Variants in ARHGAP42 observed in about 807,000 individuals in gnomAD.
ARHGAP42 encodes rho GTPase-activating protein 42.
A neutral mutation model predicts 125.0 loss-of-function variants in ARHGAP42; 63 were observed. That is an observed-to-expected ratio of 0.50 (90% CI 0.41 to 0.62). The LOEUF is 0.62. ARHGAP42 is among the 20% of genes least tolerant of loss of function. The pLI, the probability that ARHGAP42 is intolerant of heterozygous loss-of-function variation, is 0.00. For missense variants in ARHGAP42, 766 were observed against 1,024.2 expected (o/e 0.75, Z 3.44); for synonymous variants, 339 against 351.0 (o/e 0.97, Z 0.38).
intron 22 of ARHGAP42, chr11:100,986,074 C>T (rs904630694): frequency 8.8e-6 from 4 of 456,654 alleles, no homozygotes; most frequent in Non-Finnish European, 1.8e-5. Flanking sequence ...ATTCATTTAG[C>T]TAACATTTCC....
At chr11:100,891,151 T>C (rs1208259791) in intron 4 of ARHGAP42, among the ~76,000 whole-genome samples, 2 of 152,174 alleles carry the variant, frequency 1.3e-5, no homozygotes. Context: ...AAACATGGCT[T>C]TGTCTGGGTT....
chr11:100,797,097 G>T (rs1186218307), intron 3 of ARHGAP42, among the ~76,000 whole-genome samples: 2 of 152,196 alleles, frequency 1.3e-5, no homozygotes, highest in East Asian at 3.9e-4. Flanking sequence ...AATGCTGAAA[G>T]AGGTGAGGAA....
At chr11:100,745,006 T>C (rs1862268816) in intron 1 of ARHGAP42, among the ~76,000 whole-genome samples, 1 of 151,688 alleles carries the variant, frequency 6.6e-6, no homozygotes, top group Non-Finnish European at 1.5e-5. Context: ...CTAAACTAAT[T>C]ACGATTGGCT....
chr11:100,831,906 C>T (rs1864671185), intron 3 of ARHGAP42, among the ~76,000 whole-genome samples: 1 of 152,204 alleles, frequency 6.6e-6, no homozygotes, highest in South Asian at 2.1e-4. Flanking sequence ...GGGACAGGAA[C>T]TTCAGAACAA....
rs1858790072 is a variant in ARHGAP42, at chr11:100,990,008, G to A, written c.*1207G>A. 2 of 152,042 alleles carry A rather than the reference G, an allele frequency of 1.3e-5. No homozygotes were observed. Among genetic ancestry groups the A allele is most frequent in the Admixed American group, 1.3e-4 (2 of 15,250 alleles). 9.4% of individuals were successfully genotyped at this position (152,042 alleles called of 1,614,324 possible). ...GCCTTTTAGTTTACAGTCTTTATTAGCAATTTCAGTGAATTTGTAGAGCAT... is the reference window on the plus strand; with the variant it reads ...GCCTTTTAGTTTACAGTCTTTATTAACAATTTCAGTGAATTTGTAGAGCAT... On this transcript the variant is annotated 3_prime_UTR_variant, in exon 24 of 24. Transcript: ENST00000298815.
Position 100,770,447 on chromosome 11 carries a change from T to G in ARHGAP42, c.250+9T>G. 1 of 1,522,778 alleles carries G rather than the reference T, an allele frequency of 6.6e-7. No homozygotes were observed. Among genetic ancestry groups the G allele is most frequent in the South Asian group, 1.2e-5 (1 of 81,628 alleles). 94.3% of individuals were successfully genotyped at this position (1,522,778 alleles called of 1,614,324 possible). A position where few individuals can be genotyped will look rare whatever the true frequency, so the allele number is the denominator to read the frequency against. On this transcript the variant is annotated intron_variant, in intron 2 of 23. Transcript: ENST00000298815. ...TGATGAAATTAGTATTGGTAAGTACTACTGTTTTAGAAAGTTCTATTACTA... is the reference window on the plus strand; with the variant it reads ...TGATGAAATTAGTATTGGTAAGTACGACTGTTTTAGAAAGTTCTATTACTA...
Position 100,974,613 on chromosome 11 carries a change from C to T in ARHGAP42, c.1855+10C>T, listed in dbSNP as rs1480642023. ...CTGGCCGAACCTGATAGTAAGTGCA[C>T]CCGGCCTTAGGGAGATGCTTTCTTC... On this transcript the variant is annotated intron_variant, in intron 19 of 23. Coordinates refer to ENST00000298815, the MANE Select transcript of ARHGAP42 (RefSeq NM_152432.4). 6.5e-7 allele frequency: 1 copy of T among 1,548,356 alleles called. No individual in the cohort carries two copies. The highest frequency in any genetic ancestry group is 8.7e-7 in the Non-Finnish European group (1 of 1,145,064).
At chr11:100,835,346 T>C (rs1864759996) in intron 3 of ARHGAP42, among the ~76,000 whole-genome samples, 1 of 152,196 alleles carries the variant, frequency 6.6e-6, no homozygotes, top group African/African-American at 2.4e-5. Flanking sequence ...CGTAATCTCC[T>C]AATTTAACCC....
Position 100,992,735 on chromosome 11 carries a change from T to G in ARHGAP42, c.*3934T>G. 4 of 1,526,400 alleles carry G rather than the reference T, an allele frequency of 2.6e-6. No homozygotes were observed. The highest frequency in any genetic ancestry group is 3.5e-6 in the Non-Finnish European group (4 of 1,140,364). The allele number at this position is 1,526,400 out of a possible 1,614,324, so 94.6% of individuals were successfully genotyped here. Reference sequence around the variant, plus strand: ...AGAGGATCAAATCAATAAATTGGATTTTTTATTTTTTGAGGGCAGCTGCCC... The same window carrying G: ...AGAGGATCAAATCAATAAATTGGATGTTTTATTTTTTGAGGGCAGCTGCCC... On this transcript the variant is annotated 3_prime_UTR_variant, in exon 24 of 24. Transcript: ENST00000298815.
chr11:100,819,230 G>C (rs1251019007), intron 3 of ARHGAP42, among the ~76,000 whole-genome samples: 2 of 152,138 alleles, frequency 1.3e-5, no homozygotes, highest in Non-Finnish European at 2.9e-5. Context: ...CATCGGAGGA[G>C]TCCACAGGCA....
At chr11:100,725,327 C>T (rs1356742510) in intron 1 of ARHGAP42, among the ~76,000 whole-genome samples, 8 of 151,798 alleles carry the variant, frequency 5.3e-5, no homozygotes, top group Non-Finnish European at 1.0e-4. Flanking sequence ...CACACCACCA[C>T]GCCCAGCTAA....
intron 3 of ARHGAP42, among the ~76,000 whole-genome samples, chr11:100,799,491 A>T (rs956611716): frequency 6.6e-6 from 1 of 152,210 alleles, no homozygotes; most frequent in African/African-American, 2.4e-5. Flanking sequence ...GAACTGTATC[A>T]AAGAAGTCTA....
chr11:100,979,873 A>C (rs1858487110), intron 22 of ARHGAP42, among the ~76,000 whole-genome samples: 1 of 152,200 alleles, frequency 6.6e-6, no homozygotes, highest in Non-Finnish European at 1.5e-5. Context: ...GAAGGAAAGG[A>C]ATCACAGATA....
intron 5 of ARHGAP42, among the ~76,000 whole-genome samples, chr11:100,917,606 C>G (rs1409258940): frequency 6.6e-6 from 1 of 152,178 alleles, no homozygotes; most frequent in Non-Finnish European, 1.5e-5. Context: ...AAGTCTCACT[C>G]TGTTGCCCAG....
chr11:100,983,263 C>T (rs1007122736), intron 22 of ARHGAP42, among the ~76,000 whole-genome samples: 3 of 152,044 alleles, frequency 2.0e-5, no homozygotes, highest in Non-Finnish European at 2.9e-5. Context: ...AAGAATAAGC[C>T]TATTACATAT....
In ARHGAP42 at chr11:100,756,489, T is replaced by A. The variant is rs190341948; in HGVS notation, c.155-13854T>A. Among the ~76,000 whole-genome samples the A allele has an allele frequency of 3.3e-5, 5 of 152,302 alleles. No homozygotes were observed. In the East Asian group the frequency reaches 9.6e-4, roughly 29 times the overall value. Reference sequence around the variant, plus strand: ...GACAGCACCTAAAATTTGTAGTATTTGTGGAACCGATGATAAGAAGTTTTG... The same window carrying A: ...GACAGCACCTAAAATTTGTAGTATTAGTGGAACCGATGATAAGAAGTTTTG... On this transcript the variant is annotated intron_variant, in intron 1 of 23. Transcript: ENST00000298815.
At chr11:100,780,281 A>G (rs888811374) in intron 2 of ARHGAP42, among the ~76,000 whole-genome samples, 15 of 152,110 alleles carry the variant, frequency 9.9e-5, no homozygotes, top group African/African-American at 3.6e-4. Context: ...GGAGGTGGAT[A>G]GAGAGTCAAG....
At chr11:100,898,852 C>T (rs2135204938) in intron 4 of ARHGAP42, among the ~76,000 whole-genome samples, 1 of 152,150 alleles carries the variant, frequency 6.6e-6, no homozygotes, top group Admixed American at 6.5e-5. Flanking sequence ...TTCATTTCTG[C>T]TCTGATCTTA....
intron 4 of ARHGAP42, among the ~76,000 whole-genome samples, chr11:100,870,647 C>A (rs938890978): frequency 6.6e-6 from 1 of 152,076 alleles, no homozygotes; most frequent in Non-Finnish European, 1.5e-5. Context: ...ACTTAGGAAA[C>A]GTGATATTGA....
Sources: gnomAD v4.1 joint callset for allele counts (sites outside exome capture counted in the v4.1 genomes callset) on GRCh38, gnomAD v4.1.1 for gene constraint, MANE v1.5 for transcripts, NCBI Gene and HGNC (gene_info 2026-07-23, HGNC 2026-07-21) for gene names.